Variants in TYW1B observed in about 807,000 individuals in gnomAD.
TYW1B encodes S-adenosyl-L-methionine-dependent tRNA 4-demethylwyosine synthase TYW1B.
Under a neutral mutation model 86.9 loss-of-function variants are expected in TYW1B, and 73 were observed. The ratio of observed to expected loss-of-function variants is 0.84; its 90% CI spans 0.70 to 1.02. TYW1B has a LOEUF of 1.02. TYW1B is among the 50% of genes least tolerant of loss of function. The pLI is 0.00. For missense variants in TYW1B, 637 were observed against 827.4 expected (o/e 0.77, Z 2.82); for synonymous variants, 248 against 292.8 (o/e 0.85, Z 1.56).
At chr7:72,810,693 G>A in intron 3 of TYW1B, 28 bp from the exon 4 acceptor site, 35 of 1,575,826 alleles carry the variant, frequency 2.2e-5, no homozygotes, top group Non-Finnish European at 2.9e-5. Flanking sequence ...TGTTTCAGTG[G>A]AACATACAAG....
chr7:72,753,285 C>T lies in TYW1B; in HGVS notation c.965-8684G>A, dbSNP rs185850820. Among the ~76,000 whole-genome samples, 11 of 151,868 alleles carry T rather than the reference C, an allele frequency of 7.2e-5. No homozygotes were observed. The East Asian group carries it at 1.9e-3, about 27-fold the overall frequency. On this transcript the variant is annotated intron_variant, in intron 7 of 13. Transcript: ENST00000620995. ...GATTTTTTTTTAAGACAAACATTCG[C>T]TTAATGGTTGACAGAAAACTAGATG...
At position 72,700,328 on chromosome 7, in the gene TYW1B, C is replaced by T. The variant is rs543670654; in HGVS notation, c.1371-5506G>A. Among the ~76,000 whole-genome samples the T allele has an allele frequency of 1.2e-4, 18 of 151,944 alleles. No individual in the cohort carries two copies. In the South Asian group the frequency reaches 3.8e-3, roughly 32 times the overall value. On this transcript the variant is annotated intron_variant, in intron 10 of 13. Coordinates refer to ENST00000620995, the MANE Select transcript of TYW1B (RefSeq NM_001145440.3). Reference sequence around the variant, plus strand: ...TAGCTGGGATTATAGGCACCCACCACCACGCCCAGCTAATTTTTTGTATTT... The same window carrying T: ...TAGCTGGGATTATAGGCACCCACCATCACGCCCAGCTAATTTTTTGTATTT...
intron 13 of TYW1B, among the ~76,000 whole-genome samples, chr7:72,613,401 CTTTTTTTTT>C (rs71517349): frequency 4.9e-5 from 4 of 80,966 alleles, no homozygotes; most frequent in Admixed American, 1.7e-4. Flanking sequence ...TTTATATCTT[CTTTTTTTTT>C]TTTTTTTTTT....
At position 72,611,816 on chromosome 7, in the gene TYW1B, G is replaced by A. The variant is rs187213676; in HGVS notation, c.1785+4856C>T. ...CTCAGATTCTCTCCTTTGTCCTGGC[G>A]CACACTTGGTGCCATGTCTGCTTTT... is the stretch of plus-strand genomic sequence containing the variant. On this transcript the variant is annotated intron_variant, in intron 13 of 13. Coordinates refer to ENST00000620995, the MANE Select transcript of TYW1B (RefSeq NM_001145440.3). Among the ~76,000 whole-genome samples the A allele has an allele frequency of 3.8e-3, 584 of 152,156 alleles. 4 individuals carry two copies. Among genetic ancestry groups the A allele is most frequent in the African/African-American group, 0.012 (510 of 41,504 alleles).
intron 11 of TYW1B, among the ~76,000 whole-genome samples, chr7:72,632,348 A>T (rs1442677645): frequency 1.6e-5 from 2 of 123,694 alleles, no homozygotes; most frequent in East Asian, 2.1e-4. Flanking sequence ...TATATATATT[A>T]TATATATTAT....
chr7:72,607,831 T>C (rs1452086708), intron 13 of TYW1B, among the ~76,000 whole-genome samples: 2 of 152,152 alleles, frequency 1.3e-5, no homozygotes, highest in Non-Finnish European at 2.9e-5. Flanking sequence ...AAAGGGCATA[T>C]ACCTGCAGAT....
At chr7:72,597,667 G>T (rs1426857647) in intron 13 of TYW1B, among the ~76,000 whole-genome samples, 1 of 152,094 alleles carries the variant, frequency 6.6e-6, no homozygotes, top group Non-Finnish European at 1.5e-5. Flanking sequence ...ACAATGATAG[G>T]ATTACAGATT....
intron 11 of TYW1B, among the ~76,000 whole-genome samples, chr7:72,643,362 G>A (rs564206172): frequency 7.9e-5 from 12 of 152,204 alleles, no homozygotes; most frequent in East Asian, 7.7e-4. Context: ...CGATGTGGGC[G>A]GATCACCTAA....
intron 10 of TYW1B, among the ~76,000 whole-genome samples, chr7:72,709,737 CTG>C (rs1814705550): frequency 1.3e-5 from 2 of 152,132 alleles, no homozygotes; most frequent in Non-Finnish European, 2.9e-5. Flanking sequence ...TTGATGATTC[CTG>C]ATAGAGTAAA....
intron 2 of TYW1B, among the ~76,000 whole-genome samples, chr7:72,826,088 C>T (rs1788924423): frequency 6.6e-6 from 1 of 152,194 alleles, no homozygotes; most frequent in South Asian, 2.1e-4. Context: ...ATCATATAAA[C>T]TTCTTAACTT....
At chr7:72,765,674 C>G (rs1216561246) in intron 7 of TYW1B, among the ~76,000 whole-genome samples, 3 of 152,114 alleles carry the variant, frequency 2.0e-5, no homozygotes, top group Non-Finnish European at 2.9e-5. Flanking sequence ...CAATGTTGGC[C>G]AGGCTAGTCT....
intron 3 of TYW1B, among the ~76,000 whole-genome samples, chr7:72,815,086 A>AG (rs1296283406): frequency 4.8e-5 from 7 of 145,468 alleles, no homozygotes; most frequent in East Asian, 3.9e-4. Flanking sequence ...AAAAAAAAAA[A>AG]AAAAGAAAAT....
intron 13 of TYW1B, among the ~76,000 whole-genome samples, chr7:72,576,531 G>C (rs1201855658): frequency 5.2e-5 from 2 of 38,274 alleles, no homozygotes; most frequent in African/African-American, 9.5e-5. Context: ...TTTTTTTTTT[G>C]AGACGGAGTC....
chr7:72,663,689 G>A (rs1395093894), intron 11 of TYW1B, among the ~76,000 whole-genome samples: 13 of 149,996 alleles, frequency 8.7e-5, no homozygotes, highest in East Asian at 3.9e-4. Context: ...GCGTGAACCC[G>A]GGGGGCGGAG....
chr7:72,783,545 C>G (rs539770916), intron 6 of TYW1B, among the ~76,000 whole-genome samples: 5 of 151,912 alleles, frequency 3.3e-5, no homozygotes, highest in Non-Finnish European at 5.9e-5. Context: ...CAATTTAACC[C>G]CACATTTAGA....
intron 13 of TYW1B, among the ~76,000 whole-genome samples, chr7:72,594,693 A>G (rs1811485175): frequency 6.6e-6 from 1 of 152,170 alleles, no homozygotes. Flanking sequence ...CCAGACAAAG[A>G]TCGTACTGGA....
At chr7:72,748,256 G>A (rs751980080) in intron 7 of TYW1B, among the ~76,000 whole-genome samples, 5 of 151,964 alleles carry the variant, frequency 3.3e-5, no homozygotes, top group African/African-American at 4.8e-5. Flanking sequence ...GTGACAGAGC[G>A]AGACTCCGCC....
intron 12 of TYW1B, among the ~76,000 whole-genome samples, chr7:72,625,040 CAG>C (rs1368075339): frequency 1.4e-5 from 2 of 142,864 alleles, no homozygotes; most frequent in Non-Finnish European, 3.0e-5. Flanking sequence ...GCCTGGGAGA[CAG>C]AGTAAGAACC....
At chr7:72,749,169 G>C (rs1554464400) in intron 7 of TYW1B, among the ~76,000 whole-genome samples, 3 of 152,106 alleles carry the variant, frequency 2.0e-5, no homozygotes, top group Admixed American at 6.6e-5. Context: ...AGTTTTTGAG[G>C]AATAGATGTA....
Sources: gnomAD v4.1 joint callset for allele counts (sites outside exome capture counted in the v4.1 genomes callset) on GRCh38, gnomAD v4.1.1 for gene constraint, MANE v1.5 for transcripts, NCBI Gene and HGNC (gene_info 2026-07-23, HGNC 2026-07-21) for gene names.